SIK2: variants seen among roughly 807,000 people sequenced by gnomAD.
The protein encoded by SIK2 is salt inducible kinase 2, also known as serine/threonine-protein kinase SIK2.
SIK2 carries 29 observed loss-of-function variants against 103.2 expected under a neutral mutation model. The observed-to-expected ratio is 0.28, with a 90% confidence interval of 0.21 to 0.38. The LOEUF (loss-of-function observed/expected upper bound fraction) is 0.38, where lower values mean the gene tolerates loss of function less well. Ranked by LOEUF, SIK2 falls within the 10% of genes least tolerant of loss-of-function variation. The pLI, the probability that SIK2 is intolerant of heterozygous loss-of-function variation, is 1.00. For synonymous variants in SIK2, 412 were observed against 446.1 expected, an observed-to-expected ratio of 0.92 and a Z score of 0.96; for missense variants, 879 against 1,171.0, an observed-to-expected ratio of 0.75 and a Z score of 3.64.
rs549280865 is a variant in SIK2, at chr11:111,712,994, A to T, written c.1266+619A>T. Among the ~76,000 whole-genome samples, 8 of 152,220 alleles carry T rather than the reference A, an allele frequency of 5.3e-5. No individual in the cohort carries two copies. In the East Asian group the frequency reaches 1.4e-3, roughly 26 times the overall value. ...ACCTTGGGCAACATGGTGAAACTCC[A>T]TCTCTACTAAAATACAAAAAATTAG... On this transcript the variant is annotated intron_variant, in intron 9 of 14. Transcript: ENST00000304987.
chr11:111,616,865 G>A (rs941298000), intron 2 of SIK2, among the ~76,000 whole-genome samples: 34 of 151,876 alleles, frequency 2.2e-4, no homozygotes, highest in Admixed American at 1.4e-3. Context: ...TGTATGATAC[G>A]CTGCTTTTTA....
chr11:111,619,505 G>A (rs1297407612), intron 2 of SIK2, among the ~76,000 whole-genome samples: 2 of 152,088 alleles, frequency 1.3e-5, no homozygotes, highest in Non-Finnish European at 2.9e-5. Flanking sequence ...CACCACACCT[G>A]GCTAATTTTT....
At chr11:111,609,742 T>G (rs1158489122) in intron 1 of SIK2, among the ~76,000 whole-genome samples, 1 of 152,260 alleles carries the variant, frequency 6.6e-6, no homozygotes, top group African/African-American at 2.4e-5. Flanking sequence ...TCTATTTTAC[T>G]ACTGACTTTT....
chr11:111,713,318 A>G (rs1401188561), intron 9 of SIK2, among the ~76,000 whole-genome samples: 1 of 152,246 alleles, frequency 6.6e-6, no homozygotes, highest in Admixed American at 6.5e-5. Flanking sequence ...ATAGAAGATC[A>G]TAATAATGGG....
At chr11:111,639,579 TC>T (rs1362993231) in intron 3 of SIK2, among the ~76,000 whole-genome samples, 1 of 152,258 alleles carries the variant, frequency 6.6e-6, no homozygotes. Flanking sequence ...TATTTTAAAA[TC>T]CTATTCCATT....
At position 111,724,729 on chromosome 11, in the gene SIK2, A is replaced by G. The variant is rs1249800596; in HGVS notation, c.*600A>G. ...CATGAGCTGTGTTTCAGGGGCCACT[A>G]AATAACAGCTGGTACTGACCCCAGA... On this transcript the variant is annotated 3_prime_UTR_variant, in exon 15 of 15. Transcript: ENST00000304987. 1.3e-5 allele frequency: 2 copies of G among 153,974 alleles called. No individual in the cohort carries two copies. Among genetic ancestry groups the G allele is most frequent in the Non-Finnish European group, 2.9e-5 (2 of 69,344 alleles). 9.5% of individuals were successfully genotyped at this position (153,974 alleles called of 1,614,324 possible). A position where few individuals can be genotyped will look rare whatever the true frequency, so the allele number is the denominator to read the frequency against.
chr11:111,720,943 A>G lies in SIK2; in HGVS notation c.1825A>G (p.Lys609Glu). 6.2e-7 allele frequency: 1 copy of G among 1,614,208 alleles called. No individual in the cohort carries two copies. Among genetic ancestry groups the G allele is most frequent in the Non-Finnish European group, 8.5e-7 (1 of 1,180,022 alleles). ...ACATCTTCAGAATCTGGCTAGAACCAAAGGAATTCTAGAGTTGAACAAAGT... is the reference window on the plus strand; with the variant it reads ...ACATCTTCAGAATCTGGCTAGAACCGAAGGAATTCTAGAGTTGAACAAAGT... The part of the protein sequence containing the change: ...RQHLQNLART[K>E]GILELNKVQL... The change falls in exon 12 of 15, where the codon AAA (lysine) becomes GAA (glutamate). Residue 609 changes from lysine to glutamate, a missense_variant. Transcript: ENST00000304987.
At chr11:111,606,963 A>G (rs934304879) in intron 1 of SIK2, among the ~76,000 whole-genome samples, 3 of 151,642 alleles carry the variant, frequency 2.0e-5, no homozygotes, top group African/African-American at 7.2e-5. Context: ...AAAGAAAAAA[A>G]AAAAAACTTA....
intron 1 of SIK2, among the ~76,000 whole-genome samples, chr11:111,611,723 G>A (rs555348543): frequency 6.6e-5 from 10 of 152,210 alleles, no homozygotes; most frequent in African/African-American, 2.4e-4. Context: ...TATATATAAT[G>A]ATTAGAGAGT....
chr11:111,629,721 C>G (rs76378960), intron 3 of SIK2, among the ~76,000 whole-genome samples: 4,300 of 152,210 alleles, frequency 0.028, 200 homozygotes, highest in African/African-American at 0.097. Flanking sequence ...AAAAATTACT[C>G]AACGTTTTTA....
At chr11:111,646,211 A>T (rs1942255404) in intron 3 of SIK2, among the ~76,000 whole-genome samples, 1 of 152,128 alleles carries the variant, frequency 6.6e-6, no homozygotes. Flanking sequence ...GCATTTTGGG[A>T]GGCCAAGGTG....
chr11:111,654,964 C>A (rs73017029), intron 3 of SIK2, among the ~76,000 whole-genome samples: 147 of 152,280 alleles, frequency 9.7e-4, no homozygotes, highest in Non-Finnish European at 1.8e-3. Context: ...AGTATGAAAT[C>A]TGATTTCAGA....
intron 3 of SIK2, among the ~76,000 whole-genome samples, chr11:111,648,936 G>T (rs1049042380): frequency 1.3e-5 from 2 of 152,084 alleles, no homozygotes; most frequent in Non-Finnish European, 2.9e-5. Context: ...AGGAAGCTAA[G>T]GCAAGTGTGT....
intron 1 of SIK2, among the ~76,000 whole-genome samples, chr11:111,609,613 T>C (rs1941693076): frequency 6.6e-6 from 1 of 152,230 alleles, no homozygotes; most frequent in Non-Finnish European, 1.5e-5. Context: ...TAAGCCACCA[T>C]ACCCAGCCTT....
chr11:111,678,177 A>T (rs1942730693), intron 3 of SIK2, among the ~76,000 whole-genome samples: 1 of 152,176 alleles, frequency 6.6e-6, no homozygotes, highest in Non-Finnish European at 1.5e-5. Context: ...TAGTATCTTC[A>T]AAAAGAAGCC....
rs752023139 is a variant in SIK2 at position 111,708,536 on chromosome 11, C to T, written c.1101+3397C>T. Among the ~76,000 whole-genome samples the T allele has an allele frequency of 5.5e-4, 84 of 152,018 alleles. 1 individual carries two copies. Among genetic ancestry groups the T allele is most frequent in the Middle Eastern group, 3.4e-3 (1 of 294 alleles). ...GAGTTGAGACTATTTAGAAAAAATACGTCATATTTTTTTCTCATACATTCT... is the reference window on the plus strand; with the variant it reads ...GAGTTGAGACTATTTAGAAAAAATATGTCATATTTTTTTCTCATACATTCT... On this transcript the variant is annotated intron_variant, in intron 8 of 14. Transcript: ENST00000304987.
chr11:111,717,500 TA>T lies in SIK2; in HGVS notation c.1267-2272del, dbSNP rs541463479. 5.3e-4 allele frequency among the ~76,000 whole-genome samples: 80 copies of T among 152,174 alleles called. 1 individual carries two copies. The East Asian group carries it at 0.015, about 29-fold the overall frequency. ...CACTTTTACACTGTTAGTGGGAGTG[TA>T]AATTAGTTCAACCATTGTGGAAGAC... On this transcript the variant is annotated intron_variant, in intron 9 of 14. Coordinates refer to ENST00000304987, the MANE Select transcript of SIK2 (RefSeq NM_015191.3).
At chr11:111,618,780 G>T (rs562620115) in intron 2 of SIK2, among the ~76,000 whole-genome samples, 32 of 152,002 alleles carry the variant, frequency 2.1e-4, no homozygotes, top group Non-Finnish European at 4.0e-4. Flanking sequence ...ACCCAGCGTG[G>T]GGTGCAGTGG....
chr11:111,705,837 TAGAGA>T lies in SIK2; in HGVS notation c.1101+700_1101+704del, dbSNP rs1320467514. On this transcript the variant is annotated intron_variant, in intron 8 of 14. Coordinates refer to ENST00000304987, the MANE Select transcript of SIK2 (RefSeq NM_015191.3). The surrounding 1 kb of genome is among the most constrained non-coding windows in gnomAD (Gnocchi z 4.3). ...GTAGCATTATGAAGGATGGGTCAGA[TAGAGA>T]AAAGAAGAAATTTGGAGAGAGCAGT... Among the ~76,000 whole-genome samples the T allele has an allele frequency of 1.3e-5, 2 of 152,144 alleles. No individual in the cohort carries two copies. The highest frequency in any genetic ancestry group is 2.9e-5 in the Non-Finnish European group (2 of 68,024).
Sources: allele counts gnomAD v4.1 joint callset (sites outside exome capture counted in the v4.1 genomes callset), GRCh38; gene constraint gnomAD v4.1.1; non-coding constraint Gnocchi (gnomAD v3.1); transcripts MANE v1.5; gene names NCBI Gene and HGNC (gene_info 2026-07-23, HGNC 2026-07-21).